The following HNRNPA2B1 variants were observed in gnomAD, a reference collection of about 807,000 sequenced individuals.
The protein encoded by HNRNPA2B1 is heterogeneous nuclear ribonucleoprotein A2/B1.
HNRNPA2B1 carries 3 observed loss-of-function variants against 46.3 expected under a neutral mutation model. The ratio of observed to expected loss-of-function variants is 0.06; its 90% CI spans 0.03 to 0.17. The LOEUF (loss-of-function observed/expected upper bound fraction) is 0.17. Among genes scored for constraint, HNRNPA2B1 ranks in the 10% least tolerant of loss-of-function variants. The pLI, the probability that HNRNPA2B1 is intolerant of heterozygous loss-of-function variation, is 1.00. For missense variants in HNRNPA2B1, 221 were observed against 418.9 expected, an observed-to-expected ratio of 0.53 and a Z score of 4.12; for synonymous variants, 225 against 133.8, an observed-to-expected ratio of 1.68 and a Z score of -4.70.
rs955198681 is a variant in HNRNPA2B1 at position 26,195,161 on chromosome 7, G to A, written c.721+686C>T. ...AGCTTGTGGGCTGAGTCTCTAACTTGTAGTTAAATACAAGAACTCAGCTTC... is the reference window on the plus strand; with the variant it reads ...AGCTTGTGGGCTGAGTCTCTAACTTATAGTTAAATACAAGAACTCAGCTTC... On this transcript the variant is annotated intron_variant, in intron 7 of 10. Transcript: ENST00000618183. Among the ~76,000 whole-genome samples, 5 of 138,288 alleles carry A rather than the reference G, an allele frequency of 3.6e-5. No individual in the cohort carries two copies. The East Asian group carries it at 6.6e-4, about 18-fold the overall frequency. 90.7% of individuals were successfully genotyped at this position (138,288 alleles called of 152,430 possible). A position where few individuals can be genotyped will look rare whatever the true frequency, so the allele number is the denominator to read the frequency against.
chr7:26,194,538 C>CA (rs35740518), intron 7 of HNRNPA2B1, among the ~76,000 whole-genome samples: 34,858 of 150,940 alleles, frequency 0.23, 6,184 homozygotes, highest in East Asian at 0.53. Context: ...CACACCTCTA[C>CA]AAAAAAACAC....
At chr7:26,197,231 A>T (rs1783747863) in intron 3 of HNRNPA2B1, 84 bp downstream of exon 3, 2 of 1,457,298 alleles carry the variant, frequency 1.4e-6, no homozygotes, top group Admixed American at 4.6e-5. Context: ...ATCTTGAGTT[A>T]AAACTAAATT....
At chr7:26,197,874 G>GAA (rs57800062) in intron 1 of HNRNPA2B1, 142 bp from the exon 2 acceptor site, 13 of 1,420,222 alleles carry the variant, frequency 9.2e-6, no homozygotes, top group South Asian at 2.7e-5. Context: ...TTTCTGGGGG[G>GAA]AAAAAAAAAA....
At chr7:26,194,300 G>A (rs1477324625) in intron 7 of HNRNPA2B1, among the ~76,000 whole-genome samples, 1 of 152,130 alleles carries the variant, frequency 6.6e-6, no homozygotes, top group Non-Finnish European at 1.5e-5. Flanking sequence ...GGAGGCTGAG[G>A]CAGGAGAATG....
At chr7:26,192,944 G>C (rs1431340373) in intron 9 of HNRNPA2B1, among the ~76,000 whole-genome samples, 1 of 152,072 alleles carries the variant, frequency 6.6e-6, no homozygotes, top group African/African-American at 2.4e-5. Flanking sequence ...TAACTTCAAA[G>C]ACCCTCATTC....
intron 1 of HNRNPA2B1, 146 bp downstream of exon 1, chr7:26,200,426 C>G (rs1027618123): frequency 6.1e-6 from 5 of 820,640 alleles, no homozygotes; most frequent in Admixed American, 5.2e-5. Flanking sequence ...CGCTCAAGAC[C>G]CCGTTCATAA....
In HNRNPA2B1 at chr7:26,190,665, CTT is replaced by C. The variant is rs1782803744; in HGVS notation, c.*1693_*1694del. ...ATGAATTTCAACAGCCAACCTACAACTTTCTCTTCAGGGTAAGACACTGAACT... is the reference window on the plus strand; with the variant it reads ...ATGAATTTCAACAGCCAACCTACAACTCTCTTCAGGGTAAGACACTGAACT... On this transcript the variant is annotated 3_prime_UTR_variant, in exon 11 of 11. Transcript: ENST00000618183. 1 of 152,340 alleles carries C rather than the reference CTT, an allele frequency of 6.6e-6. No individual in the cohort carries two copies. Among genetic ancestry groups the C allele is most frequent in the East Asian group, 1.9e-4 (1 of 5,186 alleles). 9.4% of individuals were successfully genotyped at this position (152,340 alleles called of 1,614,324 possible). A position where few individuals can be genotyped will look rare whatever the true frequency, so the allele number is the denominator to read the frequency against.
intron 7 of HNRNPA2B1, among the ~76,000 whole-genome samples, chr7:26,195,092 C>CAAAAAAAAAAAAAAAAAAAAAAAAAAAAA (rs11356411): frequency 3.8e-5 from 2 of 51,950 alleles, no homozygotes; most frequent in Non-Finnish European, 9.3e-5. Flanking sequence ...GGCTCCGTCT[C>CAAAAAAAAAAAAAAAAAAAAAAAAAAAAA]AAAAAAAAAA....
chr7:26,200,395 CTGTT>C (rs1027241157), intron 1 of HNRNPA2B1, 173 bp downstream of exon 1: 17 of 703,844 alleles, frequency 2.4e-5, no homozygotes, highest in Middle Eastern at 2.4e-4. Flanking sequence ...GGTGGGGAAG[CTGTT>C]TGTACGCTCA....
At position 26,196,488 on chromosome 7, in the gene HNRNPA2B1, T is replaced by C. The variant is rs1783653529; in HGVS notation, c.578-7A>G. The C allele has an allele frequency of 1.2e-6, 2 of 1,614,048 alleles. No individual in the cohort carries two copies. Among genetic ancestry groups the C allele is most frequent in the Non-Finnish European group, 1.7e-6 (2 of 1,179,962 alleles). ...TCCCCAAAGCCAAAGTTGCCTACAA[T>C]AAATGCCCCAGTTAGAAGCAAGCCC... On this transcript the variant is annotated splice_region_variant and splice_polypyrimidine_tract_variant and intron_variant, in intron 5 of 10. Coordinates refer to ENST00000618183, the MANE Select transcript of HNRNPA2B1 (RefSeq NM_002137.4).
intron 1 of HNRNPA2B1, 126 bp downstream of exon 1, chr7:26,200,446 C>T (rs1210264288): frequency 2.0e-5 from 18 of 918,296 alleles, no homozygotes; most frequent in Non-Finnish European, 2.9e-5. Flanking sequence ...AACCTTAAGC[C>T]CCACTGCTAC....
intron 4 of HNRNPA2B1, 22 bp from the exon 5 acceptor site, chr7:26,196,680 C>G: frequency 6.3e-7 from 1 of 1,594,618 alleles, no homozygotes; most frequent in Non-Finnish European, 8.6e-7. Flanking sequence ...AATTCAGACT[C>G]CTTTTAAATT....
At position 26,200,659 on chromosome 7, in the gene HNRNPA2B1, C is replaced by G; in HGVS notation, c.-82G>C. On this transcript the variant is annotated 5_prime_UTR_variant, in exon 1 of 11. Transcript: ENST00000618183. Reference sequence around the variant, plus strand: ...TCCGCGGACGAACACGAACCGGACTCGTCCTGGCGCTGTAGTGAGAACTGC... The same window carrying G: ...TCCGCGGACGAACACGAACCGGACTGGTCCTGGCGCTGTAGTGAGAACTGC... The G allele has an allele frequency of 6.4e-7, 1 of 1,573,134 alleles. No individual in the cohort carries two copies. The highest frequency in any genetic ancestry group is 8.7e-7 in the Non-Finnish European group (1 of 1,145,650).
At chr7:26,194,730 T>C (rs1783320048) in intron 7 of HNRNPA2B1, among the ~76,000 whole-genome samples, 1 of 151,634 alleles carries the variant, frequency 6.6e-6, no homozygotes, top group African/African-American at 2.4e-5. Context: ...ACACAGTATG[T>C]TCTTTACTGT....
At chr7:26,199,327 AC>A (rs1368193191) in intron 1 of HNRNPA2B1, 1 of 152,548 alleles carries the variant, frequency 6.6e-6, no homozygotes, top group Admixed American at 6.5e-5. Context: ...GTAATGTTCA[AC>A]CAAGATTGCA....
chr7:26,197,245 AAATAGTTTCTG>A lies in HNRNPA2B1; in HGVS notation c.264+59_264+69del. ...AATCTTGAGTTAAAACTAAATTCAGAAATAGTTTCTGATTTTCAGCAGGGCAGCGTTCTTCA... is the reference window on the plus strand; with the variant it reads ...AATCTTGAGTTAAAACTAAATTCAGAATTTTCAGCAGGGCAGCGTTCTTCA... On this transcript the variant is annotated intron_variant, in intron 3 of 10. Coordinates refer to ENST00000618183, the MANE Select transcript of HNRNPA2B1 (RefSeq NM_002137.4). 6.0e-6 allele frequency: 9 copies of A among 1,490,956 alleles called. No individual in the cohort carries two copies. The South Asian group carries it at 1.2e-4, about 20-fold the overall frequency. The allele number at this position is 1,490,956 out of a possible 1,614,324, so 92.4% of individuals were successfully genotyped here.
At position 26,200,645 on chromosome 7, in the gene HNRNPA2B1, A is replaced by G; in HGVS notation, c.-68T>C. On this transcript the variant is annotated 5_prime_UTR_variant, in exon 1 of 11. Coordinates refer to ENST00000618183, the MANE Select transcript of HNRNPA2B1 (RefSeq NM_002137.4). ...AGATGAGAGAGATCTCCGCGGACGA[A>G]CACGAACCGGACTCGTCCTGGCGCT... 6.2e-7 allele frequency: 1 copy of G among 1,606,086 alleles called. No individual in the cohort carries two copies. Among genetic ancestry groups the G allele is most frequent in the Non-Finnish European group, 8.5e-7 (1 of 1,174,312 alleles).
At chr7:26,200,539 T>G (rs773812435) in intron 1 of HNRNPA2B1, 33 bp downstream of exon 1, 8 of 1,611,528 alleles carry the variant, frequency 5.0e-6, no homozygotes, top group Middle Eastern at 1.7e-4. Flanking sequence ...CGCCATGCCC[T>G]TTTCAATAAC....
chr7:26,200,647 A>G lies in HNRNPA2B1; in HGVS notation c.-70T>C, dbSNP rs1584021432. 6.2e-7 allele frequency: 1 copy of G among 1,601,664 alleles called. No homozygotes were observed. ...ATGAGAGAGATCTCCGCGGACGAAC[A>G]CGAACCGGACTCGTCCTGGCGCTGT... On this transcript the variant is annotated 5_prime_UTR_variant, in exon 1 of 11. Coordinates refer to ENST00000618183, the MANE Select transcript of HNRNPA2B1 (RefSeq NM_002137.4).
Sources: gnomAD v4.1 joint callset for allele counts (sites outside exome capture counted in the v4.1 genomes callset) on GRCh38, gnomAD v4.1.1 for gene constraint, MANE v1.5 for transcripts, NCBI Gene and HGNC (gene_info 2026-07-23, HGNC 2026-07-21) for gene names.